The following PIN4 variants were observed in gnomAD, a reference collection of about 807,000 sequenced individuals.
The protein encoded by PIN4 is peptidyl-prolyl cis-trans isomerase NIMA-interacting 4.
In PIN4, 3 loss-of-function variants were observed where a neutral mutation model predicts 8.3. The observed-to-expected ratio is 0.36, with a 90% CI of 0.16 to 0.93. The LOEUF is 0.93. PIN4 is among the 40% of genes least tolerant of loss of function. The probability of loss-of-function intolerance (pLI) is 0.44; values close to 1 mark genes in which losing one functional copy is unlikely to be tolerated. For missense variants in PIN4, 75 were observed against 100.6 expected, an observed-to-expected ratio of 0.75 and a Z score of 1.09; for synonymous variants, 18 against 32.5, an observed-to-expected ratio of 0.55 and a Z score of 1.52.
At chrX:72,189,979 C>G (rs751498178) in intron 2 of PIN4, among the ~76,000 whole-genome samples, 1 of 110,797 alleles carries the variant, frequency 9.0e-6, no homozygotes, top group South Asian at 3.8e-4. Flanking sequence ...GCCCTTTTGT[C>G]GCTATAAGCT....
intron 3 of PIN4, among the ~76,000 whole-genome samples, chrX:72,262,298 G>A (rs769481106): frequency 8.9e-6 from 1 of 112,065 alleles, no homozygotes; most frequent in Non-Finnish European, 1.9e-5. Context: ...AGCATTCAGC[G>A]CCCCACCCCA....
intron 3 of PIN4, among the ~76,000 whole-genome samples, chrX:72,259,915 T>G (rs1004864350): frequency 2.8e-5 from 3 of 107,884 alleles, no homozygotes; most frequent in South Asian, 8.2e-4. Context: ...TCTTTTTTTT[T>G]TTTAGTATAG....
At chrX:72,238,945 G>A in intron 3 of PIN4, 1 of 1,136,114 alleles carries the variant, frequency 8.8e-7, no homozygotes, top group Non-Finnish European at 1.2e-6. Flanking sequence ...ACCCCGGCGG[G>A]AGTTTGGAGC....
upstream of PIN4, chrX:72,181,734 G>T (rs756529299): frequency 6.8e-6 from 8 of 1,169,843 alleles, no homozygotes; most frequent in South Asian, 1.4e-4. Flanking sequence ...GGCTTCTAAA[G>T]GGGCTTGTAC....
chrX:72,242,449 C>T lies in PIN4; in HGVS notation c.313-20258C>T, dbSNP rs758994840. Among the ~76,000 whole-genome samples the T allele has an allele frequency of 2.7e-5, 3 of 112,079 alleles. No individual in the cohort carries two copies. The South Asian group carries it at 1.1e-3, about 41-fold the overall frequency. On this transcript the variant is annotated intron_variant, in intron 3 of 3. Transcript: ENST00000423432. Reference sequence around the variant, plus strand: ...GTCTCAACCCAGGGCTCTGATGACCCAGGAAACTCCCCAGCCCAGGCTCCT... The same window carrying T: ...GTCTCAACCCAGGGCTCTGATGACCTAGGAAACTCCCCAGCCCAGGCTCCT...
At chrX:72,192,337 T>A (rs1036870298) in intron 2 of PIN4, among the ~76,000 whole-genome samples, 1 of 111,890 alleles carries the variant, frequency 8.9e-6, no homozygotes, top group African/African-American at 3.3e-5. Flanking sequence ...TTGTTTGAAT[T>A]ACCCTCCCAC....
At chrX:72,192,517 C>T (rs1301886903) in intron 2 of PIN4, among the ~76,000 whole-genome samples, 1 of 111,966 alleles carries the variant, frequency 8.9e-6, no homozygotes, top group Non-Finnish European at 1.9e-5. Context: ...TTGAAACTCT[C>T]TCCTGCCTTG....
chrX:72,222,681 T>C (rs1317859267), intron 3 of PIN4, among the ~76,000 whole-genome samples: 1 of 100,039 alleles, frequency 1.0e-5, no homozygotes, highest in Admixed American at 1.1e-4. Context: ...CACTGCAACC[T>C]CCGCCTCCCA....
chrX:72,202,544 C>CAAAG (rs1170228579), downstream of PIN4, among the ~76,000 whole-genome samples: 1 of 111,849 alleles, frequency 8.9e-6, no homozygotes, highest in Non-Finnish European at 1.9e-5. Flanking sequence ...GACAGAAAAA[C>CAAAG]AAAGATGTGT....
intron 3 of PIN4, among the ~76,000 whole-genome samples, chrX:72,203,971 G>GA (rs1369159501): frequency 8.9e-6 from 1 of 112,133 alleles, no homozygotes; most frequent in African/African-American, 3.2e-5. Context: ...GAATAGACGA[G>GA]ATACCTGGTT....
intron 2 of PIN4, among the ~76,000 whole-genome samples, chrX:72,188,916 T>G (rs1386752685): frequency 8.9e-6 from 1 of 112,493 alleles, no homozygotes; most frequent in Non-Finnish European, 1.9e-5. Context: ...GAGTGGCACG[T>G]TATTCACTAG....
intron 3 of PIN4, among the ~76,000 whole-genome samples, chrX:72,226,178 C>T (rs1349870946): frequency 9.0e-6 from 1 of 111,717 alleles, no homozygotes; most frequent in South Asian, 3.8e-4. Context: ...TAGACACTGA[C>T]CAACACTCAT....
intron 3 of PIN4, among the ~76,000 whole-genome samples, chrX:72,253,006 A>G (rs770335618): frequency 1.8e-5 from 2 of 111,412 alleles, no homozygotes; most frequent in East Asian, 5.6e-4. Context: ...GTCCCCCTCG[A>G]CATCTGACAT....
At chrX:72,219,764 A>G (rs868524259) in intron 3 of PIN4, among the ~76,000 whole-genome samples, 1 of 105,198 alleles carries the variant, frequency 9.5e-6, no homozygotes, top group Non-Finnish European at 1.9e-5. Flanking sequence ...CAGGAGAATC[A>G]CTTGAACCCG....
chrX:72,197,687 G>A lies in PIN4; in HGVS notation c.*161G>A, dbSNP rs191822305. 52 of 1,031,685 alleles carry A rather than the reference G, an allele frequency of 5.0e-5. No individual in the cohort carries two copies. The highest frequency in any genetic ancestry group is 3.7e-6 in the Non-Finnish European group (3 of 806,145). The allele number at this position is 1,031,685 out of a possible 1,213,427, so 85.0% of individuals were successfully genotyped here. On this transcript the variant is annotated 3_prime_UTR_variant, in exon 4 of 4. Transcript: ENST00000373669. ...GAAAGCTCTAAGTATGGGTTTGTAG[G>A]TGTAAGAGAGGGTGGGGCTAAGTGA...
intron 3 of PIN4, among the ~76,000 whole-genome samples, chrX:72,250,736 GTTT>G (rs1230012818): frequency 2.7e-5 from 2 of 74,356 alleles, no homozygotes; most frequent in Non-Finnish European, 4.8e-5. Flanking sequence ...CTGGTATATG[GTTT>G]TTTTTTTTTT....
chrX:72,248,291 GAAAAAAAAAAAAAAAA>G (rs55908553), intron 3 of PIN4, among the ~76,000 whole-genome samples: 42 of 54,889 alleles, frequency 7.7e-4, no homozygotes, highest in African/African-American at 1.2e-3. Flanking sequence ...GCTCCATCCA[GAAAAAAAAAAAAAAAA>G]AAAAAAAAAA....
At chrX:72,224,045 C>T (rs953279452) in intron 3 of PIN4, among the ~76,000 whole-genome samples, 3 of 111,338 alleles carry the variant, frequency 2.7e-5, no homozygotes, top group African/African-American at 6.5e-5. Context: ...GTACTGACAA[C>T]GGAAGACTGA....
At chrX:72,205,776 T>C (rs973013894) in intron 3 of PIN4, 5 of 1,211,869 alleles carry the variant, frequency 4.1e-6, no homozygotes, top group East Asian at 3.0e-5. Context: ...AACTGAGACA[T>C]GTTTTGCTAT....
Sources: gnomAD v4.1 joint callset for allele counts (sites outside exome capture counted in the v4.1 genomes callset) on GRCh38, gnomAD v4.1.1 for gene constraint, MANE v1.5 for transcripts, NCBI Gene and HGNC (gene_info 2026-07-23, HGNC 2026-07-21) for gene names.